Variants in ZC3H12B observed in about 807,000 individuals in gnomAD.
ZC3H12B encodes zinc finger CCCH-type containing 12B.
ZC3H12B carries 7 observed loss-of-function variants against 43.9 expected under a neutral mutation model. That is an observed-to-expected ratio of 0.16 (90% confidence interval 0.09 to 0.30). The LOEUF is 0.30. Among genes scored for constraint, ZC3H12B ranks in the 10% least tolerant of loss-of-function variants. ZC3H12B has a pLI of 1.00. For synonymous variants in ZC3H12B, 222 were observed against 241.7 expected, an observed-to-expected ratio of 0.92 and a Z score of 0.76; for missense variants, 475 against 670.2, an observed-to-expected ratio of 0.71 and a Z score of 3.22.
At chrX:65,096,879 G>A in the ZC3H12B span, among the ~76,000 whole-genome samples, 1 of 111,030 alleles carries the variant, frequency 9.0e-6, no homozygotes, top group Non-Finnish European at 1.9e-5. Flanking sequence ...TTATAATATG[G>A]TTACTATTGG....
intron 3 of ZC3H12B, among the ~76,000 whole-genome samples, chrX:65,452,521 G>C (rs184895433): frequency 6.3e-5 from 7 of 110,614 alleles, no homozygotes; most frequent in Non-Finnish European, 9.4e-5. Context: ...ACTGCTGATA[G>C]AAATCATAGA....
At chrX:65,163,285 C>A in the ZC3H12B span, among the ~76,000 whole-genome samples, 1 of 111,521 alleles carries the variant, frequency 9.0e-6, no homozygotes, top group Non-Finnish European at 1.9e-5. Context: ...GGGAGAACCA[C>A]TGCTGTCTTC....
At chrX:65,060,565 G>C in the ZC3H12B span, among the ~76,000 whole-genome samples, 9,234 of 111,584 alleles carry the variant, frequency 0.083, 1,022 homozygotes, top group African/African-American at 0.29. Context: ...TGCTCATGAT[G>C]AATGATCTTT....
chrX:65,222,213 G>A, the ZC3H12B span, among the ~76,000 whole-genome samples: 1 of 111,540 alleles, frequency 9.0e-6, no homozygotes, highest in East Asian at 2.8e-4. Context: ...TGTAATAAAA[G>A]CCATCTATGA....
chrX:65,388,326 G>A (rs1014673753), intron 2 of ZC3H12B, among the ~76,000 whole-genome samples: 7 of 111,773 alleles, frequency 6.3e-5, no homozygotes, highest in Non-Finnish European at 1.3e-4. Context: ...ATTTCTTGGA[G>A]GCTTTGTTCT....
At chrX:65,110,764 A>C in the ZC3H12B span, among the ~76,000 whole-genome samples, 2 of 111,527 alleles carry the variant, frequency 1.8e-5, no homozygotes, top group Non-Finnish European at 3.8e-5. Flanking sequence ...TATATCTACC[A>C]AATATCTTGC....
chrX:65,086,173 C>T, the ZC3H12B span, among the ~76,000 whole-genome samples: 1 of 109,743 alleles, frequency 9.1e-6, no homozygotes, highest in Non-Finnish European at 1.9e-5. Context: ...GACCTTGGCA[C>T]TTTTGAAGAT....
the ZC3H12B span, among the ~76,000 whole-genome samples, chrX:65,259,010 T>C: frequency 8.9e-6 from 1 of 111,732 alleles, no homozygotes; most frequent in South Asian, 3.7e-4. Flanking sequence ...ATTTACAGAT[T>C]CAATGTTATT....
chrX:65,472,114 T>G (rs1358205897), intron 3 of ZC3H12B, among the ~76,000 whole-genome samples: 3 of 112,038 alleles, frequency 2.7e-5, no homozygotes, highest in Non-Finnish European at 5.6e-5. Flanking sequence ...ACAGTTATTC[T>G]GTTTAAAGAG....
the ZC3H12B span, among the ~76,000 whole-genome samples, chrX:65,118,856 G>A: frequency 1.0e-4 from 10 of 97,802 alleles, no homozygotes; most frequent in East Asian, 3.3e-3. Context: ...GTGTCCATGT[G>A]TTCTCATTGT....
chrX:65,320,494 G>A, the ZC3H12B span, among the ~76,000 whole-genome samples: 1 of 111,725 alleles, frequency 9.0e-6, no homozygotes, highest in Non-Finnish European at 1.9e-5. Flanking sequence ...TGGTTTCAGT[G>A]CTATTCCAAT....
intron 3 of ZC3H12B, among the ~76,000 whole-genome samples, chrX:65,468,644 C>T (rs1245568305): frequency 8.4e-5 from 8 of 95,005 alleles, no homozygotes; most frequent in African/African-American, 2.8e-4. Context: ...CCACCGTGCC[C>T]GGCTAATTTT....
chrX:65,224,439 T>A, the ZC3H12B span, among the ~76,000 whole-genome samples: 1 of 112,434 alleles, frequency 8.9e-6, no homozygotes, highest in South Asian at 3.6e-4. Flanking sequence ...GCTCCCAGCA[T>A]GAGCAACGCA....
chrX:65,386,896 G>A (rs1038689497), intron 2 of ZC3H12B, among the ~76,000 whole-genome samples: 1 of 111,477 alleles, frequency 9.0e-6, no homozygotes, highest in South Asian at 3.8e-4. Flanking sequence ...CCTTCATTTT[G>A]TTATGTACCC....
the ZC3H12B span, among the ~76,000 whole-genome samples, chrX:65,247,040 A>G: frequency 8.9e-6 from 1 of 112,506 alleles, no homozygotes; most frequent in Non-Finnish European, 1.9e-5. Flanking sequence ...AGGAACTTAA[A>G]CAAATTTACA....
At chrX:65,330,980 C>A in the ZC3H12B span, 1 of 328,056 alleles carries the variant, frequency 3.0e-6, no homozygotes, top group Non-Finnish European at 6.0e-6. Flanking sequence ...CTCATCTTTC[C>A]CTCTGCATAT....
the ZC3H12B span, among the ~76,000 whole-genome samples, chrX:65,158,183 T>G: frequency 9.1e-6 from 1 of 109,500 alleles, no homozygotes; most frequent in African/African-American, 3.3e-5. Context: ...TGTTGGACAT[T>G]TCGGTTGGTT....
the ZC3H12B span, among the ~76,000 whole-genome samples, chrX:65,227,572 CA>C: frequency 1.8e-5 from 2 of 111,205 alleles, no homozygotes; most frequent in African/African-American, 6.5e-5. Flanking sequence ...AAAAACCCTT[CA>C]AAAAATTAAT....
the ZC3H12B span, among the ~76,000 whole-genome samples, chrX:65,317,785 T>A: frequency 3.9e-5 from 4 of 103,245 alleles, no homozygotes; most frequent in Admixed American, 1.1e-4. Context: ...TATATATATA[T>A]AAATATACAC....
Sources: gnomAD v4.1 joint callset for allele counts (sites outside exome capture counted in the v4.1 genomes callset) on GRCh38, gnomAD v4.1.1 for gene constraint, MANE v1.5 for transcripts, NCBI Gene and HGNC (gene_info 2026-07-23, HGNC 2026-07-21) for gene names.